Variants in DPH6 observed in about 807,000 individuals in gnomAD.
DPH6 encodes diphthine--ammonia ligase.
Under a neutral mutation model 38.2 loss-of-function variants are expected in DPH6, and 33 were observed. The observed-to-expected ratio is 0.86, with a 90% CI of 0.65 to 1.15. The LOEUF is 1.15. DPH6 is among the 50% of genes most tolerant of loss of function. The pLI, the probability that DPH6 is intolerant of heterozygous loss-of-function variation, is 0.00. For missense variants in DPH6, 325 were observed against 320.0 expected (o/e 1.02, Z -0.12); for synonymous variants, 108 against 103.0 (o/e 1.05, Z -0.30).
At chr15:35,486,235 A>G (rs1445752004) in intron 3 of DPH6, among the ~76,000 whole-genome samples, 2 of 152,188 alleles carry the variant, frequency 1.3e-5, no homozygotes, top group African/African-American at 2.4e-5. Flanking sequence ...TCACAAGAAC[A>G]GCATGGGGGA....
At chr15:35,178,152 T>A in the DPH6 span, among the ~76,000 whole-genome samples, 5 of 152,310 alleles carry the variant, frequency 3.3e-5, no homozygotes, top group African/African-American at 1.2e-4. Context: ...AAAACAGATA[T>A]TTCCTTTTCA....
Position 35,446,876 on chromosome 15 carries a change from T to A in DPH6, c.505+3809A>T, listed in dbSNP as rs1050115203. ...TAGATTACATAGGTGGAATCTTTTT[T>A]TTTTTTTCCTGAGACGGAGTCTTGC... On this transcript the variant is annotated intron_variant, in intron 5 of 8. Transcript: ENST00000256538. 5.6e-3 allele frequency among the ~76,000 whole-genome samples: 852 copies of A among 151,806 alleles called. 11 individuals are homozygous for A. Among genetic ancestry groups the A allele is most frequent in the African/African-American group, 0.02 (808 of 41,344 alleles).
intron 3 of DPH6, chr15:35,520,566 T>C (rs2054909714): frequency 3.0e-6 from 3 of 984,812 alleles, no homozygotes; most frequent in Non-Finnish European, 3.6e-6. Flanking sequence ...AAGACTAGCA[T>C]ACACAGCATA....
intron 5 of DPH6, among the ~76,000 whole-genome samples, chr15:35,449,541 T>A (rs1327038259): frequency 6.6e-6 from 1 of 152,102 alleles, no homozygotes; most frequent in African/African-American, 2.4e-5. Context: ...ATTATGGAAT[T>A]ATGTAATCTT....
At chr15:35,460,473 C>T (rs1473590820) in intron 3 of DPH6, among the ~76,000 whole-genome samples, 1 of 152,144 alleles carries the variant, frequency 6.6e-6, no homozygotes. Context: ...AGGGGCTCTC[C>T]GACACAAGTG....
intron 3 of DPH6, among the ~76,000 whole-genome samples, chr15:35,276,747 T>TG (rs1359506000): frequency 6.6e-6 from 1 of 151,988 alleles, no homozygotes; most frequent in African/African-American, 2.4e-5. Context: ...TGGCTGTACT[T>TG]GGATTTATTT....
intron 3 of DPH6, among the ~76,000 whole-genome samples, chr15:35,496,373 G>T (rs906507738): frequency 1.3e-5 from 2 of 150,916 alleles, no homozygotes; most frequent in African/African-American, 4.9e-5. Context: ...TGACCAACAT[G>T]GTGGAACCTG....
chr15:35,183,341 C>T, the DPH6 span, among the ~76,000 whole-genome samples: 1 of 152,170 alleles, frequency 6.6e-6, no homozygotes, highest in Non-Finnish European at 1.5e-5. Flanking sequence ...GTTAGTTCTA[C>T]AGCACAATGC....
chr15:35,348,414 T>C (rs2052480540), intron 3 of DPH6, among the ~76,000 whole-genome samples: 1 of 152,208 alleles, frequency 6.6e-6, no homozygotes, highest in African/African-American at 2.4e-5. Context: ...CTATTTTCCA[T>C]TGTGTAGTTT....
intron 3 of DPH6, among the ~76,000 whole-genome samples, chr15:35,478,401 ACACAAAG>A (rs775861881): frequency 2.0e-5 from 3 of 150,556 alleles, no homozygotes; most frequent in Non-Finnish European, 4.5e-5. Flanking sequence ...ACACACACAC[ACACAAAG>A]ATTGTAAAAA....
intron 6 of DPH6, among the ~76,000 whole-genome samples, chr15:35,397,565 T>C (rs2053151760): frequency 6.6e-6 from 1 of 152,106 alleles, no homozygotes; most frequent in Admixed American, 6.6e-5. Context: ...ACACTGAGCC[T>C]GTGGCCAGCA....
At chr15:35,511,772 G>C (rs559510033) in intron 3 of DPH6, among the ~76,000 whole-genome samples, 34 of 151,866 alleles carry the variant, frequency 2.2e-4, no homozygotes, top group African/African-American at 8.2e-4. Flanking sequence ...AAAATAGAGA[G>C]AATTAGGTCT....
intron 3 of DPH6, among the ~76,000 whole-genome samples, chr15:35,228,452 CAG>C (rs1167135891): frequency 3.3e-5 from 5 of 152,052 alleles, no homozygotes; most frequent in African/African-American, 9.7e-5. Flanking sequence ...TGTTTGGAGA[CAG>C]TGTGTTTTCT....
the DPH6 span, among the ~76,000 whole-genome samples, chr15:35,180,625 T>A: frequency 1.8e-4 from 28 of 152,250 alleles, no homozygotes; most frequent in African/African-American, 6.0e-4. Flanking sequence ...CATGCCCAGA[T>A]AAGTTTTTTA....
chr15:35,188,559 T>C, the DPH6 span, among the ~76,000 whole-genome samples: 1 of 152,186 alleles, frequency 6.6e-6, no homozygotes, highest in African/African-American at 2.4e-5. Context: ...TCATTCCTGC[T>C]CTACAGCTTT....
chr15:35,396,323 G>A (rs1349316767), intron 6 of DPH6: 2 of 152,184 alleles, frequency 1.3e-5, no homozygotes, highest in Non-Finnish European at 2.9e-5. Context: ...CACGCTGGCA[G>A]AAACTAACCA....
At chr15:35,390,590 T>G (rs1566892174) in intron 6 of DPH6, among the ~76,000 whole-genome samples, 2 of 152,232 alleles carry the variant, frequency 1.3e-5, no homozygotes, top group Non-Finnish European at 2.9e-5. Context: ...ATTTCATTCA[T>G]TTTGTCTTCC....
At chr15:35,336,895 G>C (rs1291558356) in intron 3 of DPH6, among the ~76,000 whole-genome samples, 2 of 152,050 alleles carry the variant, frequency 1.3e-5, no homozygotes, top group Non-Finnish European at 2.9e-5. Flanking sequence ...AAGGATATTG[G>C]TCTAAAATTC....
At chr15:35,478,152 G>A (rs537461310) in intron 3 of DPH6, among the ~76,000 whole-genome samples, 5 of 151,992 alleles carry the variant, frequency 3.3e-5, no homozygotes, top group South Asian at 4.1e-4. Context: ...CTTCATCAGT[G>A]CCACAGAAAG....
Sources: gnomAD v4.1 joint callset for allele counts (sites outside exome capture counted in the v4.1 genomes callset) on GRCh38, gnomAD v4.1.1 for gene constraint, MANE v1.5 for transcripts, NCBI Gene and HGNC (gene_info 2026-07-23, HGNC 2026-07-21) for gene names.